Variants in COPS7B observed in about 807,000 individuals in gnomAD.
COPS7B encodes COP9 signalosome subunit 7B, also known as COP9 signalosome complex subunit 7b.
A neutral mutation model predicts 33.4 loss-of-function variants in COPS7B; 9 were observed. The observed-to-expected ratio is 0.27, with a 90% CI of 0.16 to 0.47. The LOEUF (loss-of-function observed/expected upper bound fraction) is 0.47, where lower values mean the gene tolerates loss of function less well. Ranked by LOEUF, COPS7B falls within the 20% of genes least tolerant of loss-of-function variation. The pLI is 0.99. For missense variants in COPS7B, 242 were observed against 318.2 expected, an observed-to-expected ratio of 0.76 and a Z score of 1.82; for synonymous variants, 119 against 126.3, an observed-to-expected ratio of 0.94 and a Z score of 0.39.
chr2:231,794,569 G>A (rs2049510640), intron 4 of COPS7B, among the ~76,000 whole-genome samples: 1 of 152,198 alleles, frequency 6.6e-6, no homozygotes, highest in African/African-American at 2.4e-5. Flanking sequence ...TCTTAGTCCT[G>A]GCATGCTGTG....
At chr2:231,794,980 C>G (rs998974351) in intron 4 of COPS7B, among the ~76,000 whole-genome samples, 1 of 148,850 alleles carries the variant, frequency 6.7e-6, no homozygotes, top group Non-Finnish European at 1.5e-5. Flanking sequence ...AGTGCAGTGG[C>G]GCAACCTGGG....
At chr2:231,787,431 G>A (rs973537175) in intron 1 of COPS7B, among the ~76,000 whole-genome samples, 11 of 152,124 alleles carry the variant, frequency 7.2e-5, no homozygotes, top group African/African-American at 2.7e-4. Flanking sequence ...ATTCTTGGAG[G>A]AGAAATCTTA....
intron 3 of COPS7B, among the ~76,000 whole-genome samples, chr2:231,792,702 T>C (rs1358025862): frequency 6.6e-6 from 1 of 152,228 alleles, no homozygotes; most frequent in Non-Finnish European, 1.5e-5. Context: ...ACTTAGCTCA[T>C]TTTCTGTTGC....
chr2:231,785,929 C>T (rs1434990747), upstream of COPS7B: 2 of 152,176 alleles, frequency 1.3e-5, no homozygotes, highest in African/African-American at 4.8e-5. Flanking sequence ...CCTCAGATAG[C>T]CTGGGTTTGA....
In COPS7B at chr2:231,792,105, G is replaced by A. The variant is rs143998760; in HGVS notation, c.238+297G>A. 4.7e-4 allele frequency: 277 copies of A among 586,046 alleles called. 2 individuals are homozygous for A. The highest frequency in any genetic ancestry group is 4.7e-3 in the African/African-American group (255 of 54,214). 36.3% of individuals were successfully genotyped at this position (586,046 alleles called of 1,614,324 possible). On this transcript the variant is annotated intron_variant, in intron 3 of 6. Coordinates refer to ENST00000350033, the MANE Select transcript of COPS7B (RefSeq NM_022730.4). ...TAGGGCTCTTGGAGTGCTGTGAAGT[G>A]CAGAATACCCACCTGTAGAATGTTT... is the stretch of plus-strand genomic sequence containing the variant.
At position 231,786,487 on chromosome 2, in the gene COPS7B, G is replaced by A. The variant is rs1010656814; in HGVS notation, c.-68G>A. On this transcript the variant is annotated 5_prime_UTR_variant, in exon 1 of 7. Coordinates refer to ENST00000350033, the MANE Select transcript of COPS7B (RefSeq NM_022730.4). ...TGGACGCTTGACAACCTGCGGGCAG[G>A]CGCCGGGAGGCCGAGCCAGCGACTA... 5.1e-6 allele frequency: 5 copies of A among 985,956 alleles called. No homozygotes were observed. In the Admixed American group the frequency reaches 3.1e-4, roughly 61 times the overall value. 61.1% of individuals were successfully genotyped at this position (985,956 alleles called of 1,614,324 possible). A position where few individuals can be genotyped will look rare whatever the true frequency, so the allele number is the denominator to read the frequency against.
intron 6 of COPS7B, chr2:231,801,349 A>G: frequency 1.4e-6 from 2 of 1,443,604 alleles, no homozygotes; most frequent in South Asian, 2.9e-5. Context: ...GACCATTATG[A>G]GCTGTTTCAT....
At chr2:231,805,513 G>A (rs2049869646) in intron 6 of COPS7B, among the ~76,000 whole-genome samples, 1 of 149,744 alleles carries the variant, frequency 6.7e-6, no homozygotes, top group African/African-American at 2.4e-5. Context: ...CACCCAGGCT[G>A]GAATCAGTGG....
At chr2:231,798,506 C>T (rs1394485284) in intron 5 of COPS7B, among the ~76,000 whole-genome samples, 1 of 152,096 alleles carries the variant, frequency 6.6e-6, no homozygotes, top group East Asian at 1.9e-4. Flanking sequence ...CCACCCACCT[C>T]GGCCTCTCAA....
At position 231,799,058 on chromosome 2, in the gene COPS7B, G is replaced by A. The variant is rs978220902; in HGVS notation, c.636+94G>A. ...TTTTTGTTTTGCGAATCTTGGTGTA[G>A]ATGAAACAAGCAGTCACCAACAAGT... On this transcript the variant is annotated intron_variant, in intron 6 of 6. Coordinates refer to ENST00000350033, the MANE Select transcript of COPS7B (RefSeq NM_022730.4). The A allele has an allele frequency of 2.6e-6, 3 of 1,135,820 alleles. No homozygotes were observed. In the African/African-American group the frequency reaches 4.6e-5, roughly 17 times the overall value. 70.4% of individuals were successfully genotyped at this position (1,135,820 alleles called of 1,614,324 possible).
At chr2:231,797,693 CAT>C (rs1181485359) in intron 5 of COPS7B, among the ~76,000 whole-genome samples, 1 of 152,146 alleles carries the variant, frequency 6.6e-6, no homozygotes, top group African/African-American at 2.4e-5. Flanking sequence ...AGGGCTACCA[CAT>C]ATATGGCAAA....
chr2:231,805,530 C>A (rs972837394), intron 6 of COPS7B, among the ~76,000 whole-genome samples: 5 of 150,376 alleles, frequency 3.3e-5, no homozygotes, highest in African/African-American at 1.2e-4. Flanking sequence ...GTGGTGTAAT[C>A]ATAGTTCACT....
chr2:231,793,434 C>T (rs2049477422), intron 3 of COPS7B: 2 of 152,252 alleles, frequency 1.3e-5, no homozygotes, highest in South Asian at 4.1e-4. Context: ...TGGAGTCTTG[C>T]GGGTTGTTGT....
In COPS7B at chr2:231,786,498, C is replaced by A. The variant is rs971736139; in HGVS notation, c.-57C>A. 4.1e-6 allele frequency: 4 copies of A among 985,956 alleles called. No homozygotes were observed. Among genetic ancestry groups the A allele is most frequent in the Non-Finnish European group, 4.8e-6 (4 of 830,076 alleles). The allele number at this position is 985,956 out of a possible 1,614,324, so 61.1% of individuals were successfully genotyped here. On this transcript the variant is annotated 5_prime_UTR_variant, in exon 1 of 7. Transcript: ENST00000350033. ...CAACCTGCGGGCAGGCGCCGGGAGG[C>A]CGAGCCAGCGACTAAGAGGACCGAG... is the stretch of plus-strand genomic sequence containing the variant.
At chr2:231,799,948 C>T (rs1010430977) in intron 6 of COPS7B, among the ~76,000 whole-genome samples, 8 of 152,172 alleles carry the variant, frequency 5.3e-5, no homozygotes, top group Non-Finnish European at 1.2e-4. Flanking sequence ...TGTCTCATGC[C>T]TAACCCATAG....
intron 3 of COPS7B, chr2:231,792,081 A>G (rs1285835138): frequency 1.6e-6 from 1 of 620,052 alleles, no homozygotes; most frequent in Non-Finnish European, 3.1e-6. Flanking sequence ...TGGTGTTTGT[A>G]GGGCTCTTGG....
rs78838619 is a variant in COPS7B at position 231,800,979 on chromosome 2, C to A, written c.636+2015C>A. On this transcript the variant is annotated intron_variant, in intron 6 of 6. Coordinates refer to ENST00000350033, the MANE Select transcript of COPS7B (RefSeq NM_022730.4). ...ACTTGAGGCACACAGAAGATACTCA[C>A]CAAATAGCTACTGACTTGAAAGGAA... Among the ~76,000 whole-genome samples, 983 of 152,272 alleles carry A rather than the reference C, an allele frequency of 6.5e-3. 5 individuals are homozygous for A. The highest frequency in any genetic ancestry group is 9.9e-3 in the Non-Finnish European group (672 of 68,024).
chr2:231,793,290 A>G (rs1298250355), intron 3 of COPS7B, among the ~76,000 whole-genome samples: 2 of 152,220 alleles, frequency 1.3e-5, no homozygotes, highest in African/African-American at 4.8e-5. Flanking sequence ...TGTGGAAACA[A>G]GTGGGATAAA....
chr2:231,788,959 A>G (rs1321451889), intron 2 of COPS7B: 3 of 433,582 alleles, frequency 6.9e-6, no homozygotes, highest in Middle Eastern at 6.2e-4. Flanking sequence ...ATAATAACCT[A>G]AAAGATAGTA....
Sources: allele counts gnomAD v4.1 joint callset (sites outside exome capture counted in the v4.1 genomes callset), GRCh38; gene constraint gnomAD v4.1.1; transcripts MANE v1.5; gene names NCBI Gene and HGNC (gene_info 2026-07-23, HGNC 2026-07-21).